The following TXNRD1 variants were observed in gnomAD, a reference collection of about 807,000 sequenced individuals.
TXNRD1 encodes the protein thioredoxin reductase 1, cytoplasmic.
In TXNRD1, 57 loss-of-function variants were observed where a neutral mutation model predicts 80.3. The observed-to-expected ratio is 0.71, with a 90% CI of 0.57 to 0.89. The LOEUF (loss-of-function observed/expected upper bound fraction) is 0.89, where lower values mean the gene tolerates loss of function less well. Ranked by LOEUF, TXNRD1 falls within the 40% of genes least tolerant of loss-of-function variation. The pLI is 0.00. For synonymous variants in TXNRD1, 291 were observed against 285.2 expected, an observed-to-expected ratio of 1.02 and a Z score of -0.20; for missense variants, 730 against 803.0, an observed-to-expected ratio of 0.91 and a Z score of 1.10.
Position 104,303,092 on chromosome 12 carries a change from C to G in TXNRD1, c.415-8198C>G, listed in dbSNP as rs1044390518. 5.3e-5 allele frequency among the ~76,000 whole-genome samples: 8 copies of G among 152,136 alleles called. No homozygotes were observed. In the South Asian group the frequency reaches 6.2e-4, roughly 12 times the overall value. On this transcript the variant is annotated intron_variant, in intron 4 of 16. Transcript: ENST00000525566. ...AGAGATCTCTACCCATTCTATTCTT[C>G]CACTCCTGGGTAGTGGAGAACCAAA... is the stretch of plus-strand genomic sequence containing the variant.
intron 1 of TXNRD1, among the ~76,000 whole-genome samples, chr12:104,238,229 C>T (rs937640221): frequency 5.3e-5 from 8 of 152,206 alleles, no homozygotes; most frequent in East Asian, 3.9e-4. Flanking sequence ...TCTCAAAAGA[C>T]GGTTTATAAT....
chr12:104,257,623 G>A (rs1162839430), intron 2 of TXNRD1, among the ~76,000 whole-genome samples: 1 of 151,998 alleles, frequency 6.6e-6, no homozygotes, highest in Non-Finnish European at 1.5e-5. Context: ...TGGCCAGGCT[G>A]GTCTTGAACT....
chr12:104,324,314 CAAATA>C (rs2035675238), intron 10 of TXNRD1, among the ~76,000 whole-genome samples: 1 of 149,202 alleles, frequency 6.7e-6, no homozygotes, highest in Non-Finnish European at 1.5e-5. Context: ...TTATTGATGT[CAAATA>C]AAATAACCCT....
chr12:104,258,335 A>G, intron 3 of TXNRD1: 1 of 342,506 alleles, frequency 2.9e-6, no homozygotes, highest in South Asian at 6.9e-5. Flanking sequence ...ATTACTCATG[A>G]ATCTAGTTAC....
intron 3 of TXNRD1, among the ~76,000 whole-genome samples, chr12:104,264,641 T>G (rs936572583): frequency 1.3e-5 from 2 of 152,214 alleles, no homozygotes; most frequent in Non-Finnish European, 2.9e-5. Context: ...GTTTTATTAT[T>G]TAATATTTTA....
intron 1 of TXNRD1, among the ~76,000 whole-genome samples, chr12:104,228,474 A>G (rs2032528350): frequency 6.6e-6 from 1 of 151,678 alleles, no homozygotes; most frequent in Non-Finnish European, 1.5e-5. Context: ...TCTACTAAAA[A>G]TACAAAATTA....
At chr12:104,310,438 T>C (rs537789209) in intron 4 of TXNRD1, among the ~76,000 whole-genome samples, 2 of 152,332 alleles carry the variant, frequency 1.3e-5, no homozygotes, top group Non-Finnish European at 2.9e-5. Flanking sequence ...CGTGAGCCAC[T>C]GTGCCTGGCC....
At chr12:104,322,411 T>C (rs1427669966) in intron 10 of TXNRD1, among the ~76,000 whole-genome samples, 3 of 147,408 alleles carry the variant, frequency 2.0e-5, no homozygotes, top group Non-Finnish European at 4.5e-5. Context: ...GACGGAGTTT[T>C]GCTTTGTCAC....
At chr12:104,336,796 A>G (rs923803204) in intron 15 of TXNRD1, among the ~76,000 whole-genome samples, 2 of 152,230 alleles carry the variant, frequency 1.3e-5, no homozygotes, top group Admixed American at 6.5e-5. Context: ...CCTGTGAGGT[A>G]TATATGCTAT....
At chr12:104,251,778 T>C (rs1406612240) in intron 2 of TXNRD1, 100 bp downstream of exon 2, 1 of 1,422,028 alleles carries the variant, frequency 7.0e-7, no homozygotes, top group Non-Finnish European at 9.6e-7. Context: ...AGGAAGAGTG[T>C]ATGTAGGCTG....
Position 104,267,647 on chromosome 12 carries a change from A to ATCTTTCCT in TXNRD1, c.304+9574_304+9575insCTTCTTTC, listed in dbSNP as rs1555209253. 1.5e-3 allele frequency among the ~76,000 whole-genome samples: 214 copies of ATCTTTCCT among 140,434 alleles called. 4 individuals are homozygous for ATCTTTCCT. Among genetic ancestry groups the ATCTTTCCT allele is most frequent in the African/African-American group, 3.8e-3 (143 of 37,316 alleles). The allele number at this position is 140,434 out of a possible 152,430, so 92.1% of individuals were successfully genotyped here. ...GATAGGTGTTCCTAGATGTGATGGT[A>ATCTTTCCT]TCTTTCTTTCTTTCTTTCTTTCTTT... is the stretch of plus-strand genomic sequence containing the variant. On this transcript the variant is annotated intron_variant, in intron 3 of 16. Coordinates refer to ENST00000525566, the MANE Select transcript of TXNRD1 (RefSeq NM_001093771.3).
At chr12:104,267,035 C>T (rs780639635) in intron 3 of TXNRD1, among the ~76,000 whole-genome samples, 6 of 149,452 alleles carry the variant, frequency 4.0e-5, no homozygotes, top group African/African-American at 1.2e-4. Flanking sequence ...GGCCTGGTGG[C>T]GGGCACCTGT....
intron 1 of TXNRD1, among the ~76,000 whole-genome samples, chr12:104,240,983 C>T (rs182539944): frequency 4.6e-5 from 7 of 151,580 alleles, no homozygotes; most frequent in South Asian, 2.1e-4. Flanking sequence ...CTTCGTGATC[C>T]GCCCGCCTCG....
chr12:104,229,979 A>C (rs2032579050), intron 1 of TXNRD1, among the ~76,000 whole-genome samples: 1 of 152,164 alleles, frequency 6.6e-6, no homozygotes, highest in African/African-American at 2.4e-5. Flanking sequence ...ACCATCATGT[A>C]CAAGTTTCAT....
At chr12:104,322,542 G>A (rs767101592) in intron 10 of TXNRD1, among the ~76,000 whole-genome samples, 8 of 151,760 alleles carry the variant, frequency 5.3e-5, no homozygotes, top group South Asian at 2.1e-4. Context: ...CACCACACCC[G>A]GCTAATTTTT....
intron 2 of TXNRD1, 103 bp downstream of exon 2, chr12:104,251,781 GTA>G: frequency 7.2e-7 from 1 of 1,390,524 alleles, no homozygotes. Flanking sequence ...AAGAGTGTAT[GTA>G]GGCTGGGCGC....
chr12:104,229,562 C>CATTTTATTTTATTTTATTTTATTTT (rs201478909), intron 1 of TXNRD1, among the ~76,000 whole-genome samples: 3,134 of 141,936 alleles, frequency 0.022, 89 homozygotes, highest in African/African-American at 0.057. Context: ...GAATATACAA[C>CATTTTATTTTATTTTATTTTATTTT]ATTTTATTTT....
intron 1 of TXNRD1, among the ~76,000 whole-genome samples, chr12:104,237,839 C>T (rs907925273): frequency 6.6e-6 from 1 of 151,896 alleles, no homozygotes; most frequent in African/African-American, 2.4e-5. Context: ...ATGGTAAAAC[C>T]GTCTCTACTA....
At chr12:104,313,179 T>G (rs954021517) in intron 5 of TXNRD1, 66 bp from the exon 6 acceptor site, 1 of 1,324,454 alleles carries the variant, frequency 7.6e-7, no homozygotes, top group Non-Finnish European at 1.1e-6. Context: ...TCATGGATTT[T>G]TAACAGCCCA....
Sources: allele counts gnomAD v4.1 joint callset (sites outside exome capture counted in the v4.1 genomes callset), GRCh38; gene constraint gnomAD v4.1.1; transcripts MANE v1.5; gene names NCBI Gene and HGNC (gene_info 2026-07-23, HGNC 2026-07-21).